EIF4E3: variants seen among roughly 807,000 people sequenced by gnomAD.
EIF4E3 encodes the protein eukaryotic translation initiation factor 4E type 3.
A neutral mutation model predicts 31.7 loss-of-function variants in EIF4E3; 26 were observed. The observed-to-expected ratio is 0.82, with a 90% confidence interval of 0.60 to 1.14. EIF4E3 has a LOEUF of 1.14. Among genes scored for constraint, EIF4E3 ranks in the 50% most tolerant of loss-of-function variants. The pLI, the probability that EIF4E3 is intolerant of heterozygous loss-of-function variation, is 0.00. For synonymous variants in EIF4E3, 128 were observed against 107.7 expected (o/e 1.19, Z -1.17); for missense variants, 304 against 270.9 (o/e 1.12, Z -0.86).
chr3:71,665,565 A>T, the EIF4E3 span, among the ~76,000 whole-genome samples: 1 of 152,240 alleles, frequency 6.6e-6, no homozygotes, highest in Non-Finnish European at 1.5e-5. Context: ...TCACTGTAAC[A>T]TACTTTTAAC....
intron 1 of EIF4E3, among the ~76,000 whole-genome samples, chr3:71,722,029 G>C (rs562847828): frequency 1.1e-3 from 164 of 146,968 alleles, no homozygotes; most frequent in African/African-American, 4.0e-3. Flanking sequence ...GGAGAAAAGG[G>C]TCCTGGGTGG....
At chr3:71,729,768 CCT>C (rs921348405), upstream of EIF4E3, among the ~76,000 whole-genome samples, 3 of 148,628 alleles carry the variant, frequency 2.0e-5, no homozygotes, top group African/African-American at 7.5e-5. Context: ...AAAAGAAATT[CCT>C]CTCTCTGGGA....
rs759093104 is a variant in EIF4E3 at position 71,690,095 on chromosome 3, AT to A, written c.542del (p.Asn181MetfsTer4). 4 of 1,613,990 alleles carry A rather than the reference AT, an allele frequency of 2.5e-6. No individual in the cohort carries two copies. The highest frequency in any genetic ancestry group is 3.4e-6 in the Non-Finnish European group (4 of 1,179,990). The part of the protein sequence containing the change: ...REDVVQVWNV[N>X]ASLVGEATVL... ...CAGTCGCTTCACCCACTAAAGAGGCATTTACATTCCAGACTTGGACGACGTC... is the reference window on the plus strand; with the variant it reads ...CAGTCGCTTCACCCACTAAAGAGGCATTACATTCCAGACTTGGACGACGTC... On this transcript the variant is annotated frameshift_variant, in exon 6 of 7. Coordinates refer to ENST00000425534, the MANE Select transcript of EIF4E3 (RefSeq NM_001134651.2). LOFTEE classifies it high-confidence loss of function.
chr3:71,736,722 T>C (rs2049767314), intron 1 of EIF4E3, among the ~76,000 whole-genome samples: 1 of 152,226 alleles, frequency 6.6e-6, no homozygotes, highest in Non-Finnish European at 1.5e-5. Flanking sequence ...GATACTATAA[T>C]GGTGGATACA....
chr3:71,686,543 A>AGAGTGTGTGTGTGTGTGT (rs1553659503), intron 6 of EIF4E3, among the ~76,000 whole-genome samples: 5 of 143,498 alleles, frequency 3.5e-5, no homozygotes, highest in Non-Finnish European at 7.7e-5. Flanking sequence ...TTTCACATTG[A>AGAGTGTGTGTGTGTGTGT]GTGTGTGTGT....
chr3:71,689,004 T>C (rs1208864136), intron 6 of EIF4E3, among the ~76,000 whole-genome samples: 1 of 152,234 alleles, frequency 6.6e-6, no homozygotes, highest in African/African-American at 2.4e-5. Flanking sequence ...GATTTTTTTA[T>C]CCTTTTTTGG....
intron 1 of EIF4E3, among the ~76,000 whole-genome samples, chr3:71,717,601 C>T (rs1326693413): frequency 1.3e-5 from 2 of 152,146 alleles, no homozygotes; most frequent in Non-Finnish European, 2.9e-5. Context: ...CCTCTTAAGT[C>T]CTGTCCAGCT....
intron 1 of EIF4E3, among the ~76,000 whole-genome samples, chr3:71,751,271 TGAAAGTAAGTGTAAA>T: frequency 6.6e-6 from 1 of 152,028 alleles, no homozygotes; most frequent in East Asian, 1.9e-4. Flanking sequence ...TACACTTACT[TGAAAGTAAGTGTAAA>T]GTAAGTGTAA....
chr3:71,727,329 C>G (rs2049652605), upstream of EIF4E3, among the ~76,000 whole-genome samples: 1 of 152,090 alleles, frequency 6.6e-6, no homozygotes, highest in Admixed American at 6.5e-5. Flanking sequence ...TTTTTATAAC[C>G]AAAATGGAAG....
chr3:71,698,626 T>C (rs1350668445), intron 3 of EIF4E3, among the ~76,000 whole-genome samples: 1 of 152,198 alleles, frequency 6.6e-6, no homozygotes, highest in African/African-American at 2.4e-5. Flanking sequence ...CTTCCTAGTC[T>C]TTGTGATTGG....
At chr3:71,734,106 C>T (rs1245926857) in intron 1 of EIF4E3, among the ~76,000 whole-genome samples, 5 of 152,208 alleles carry the variant, frequency 3.3e-5, no homozygotes, top group South Asian at 2.1e-4. Flanking sequence ...ATATTATCTA[C>T]ATAATGGCAG....
At chr3:71,674,090 C>CTTTTT (rs71277509), downstream of EIF4E3, among the ~76,000 whole-genome samples, 174 of 25,066 alleles carry the variant, frequency 6.9e-3, 46 homozygotes, top group Non-Finnish European at 0.012. Context: ...ATCAACTGTA[C>CTTTTT]TTTTTTTTTT....
At chr3:71,754,293 G>A (rs2049976242), upstream of EIF4E3, 38 of 1,145,738 alleles carry the variant, frequency 3.3e-5, no homozygotes, top group Non-Finnish European at 3.7e-5. The surrounding 1 kb of genome is among the most constrained non-coding windows in gnomAD (Gnocchi z 5.8). Flanking sequence ...GGCGCGGCGT[G>A]CGGCGGCCGC....
intron 2 of EIF4E3, among the ~76,000 whole-genome samples, chr3:71,703,110 T>C (rs575461070): frequency 1.2e-4 from 19 of 152,344 alleles, no homozygotes; most frequent in East Asian, 1.2e-3. Context: ...TGCTTTTTTT[T>C]CCCAAAAGCC....
chr3:71,749,222 A>G (rs1233890295), intron 1 of EIF4E3, among the ~76,000 whole-genome samples: 1 of 152,200 alleles, frequency 6.6e-6, no homozygotes, highest in East Asian at 1.9e-4. Context: ...CAATGAGCCA[A>G]AGTCTGGGCT....
intron 1 of EIF4E3, among the ~76,000 whole-genome samples, chr3:71,731,175 G>A (rs1380857713): frequency 6.6e-6 from 1 of 152,072 alleles, no homozygotes; most frequent in Non-Finnish European, 1.5e-5. Context: ...ACAGCAGCCT[G>A]AACAACAGTC....
At chr3:71,720,558 C>T (rs1242133479) in intron 1 of EIF4E3, among the ~76,000 whole-genome samples, 3 of 152,144 alleles carry the variant, frequency 2.0e-5, no homozygotes, top group African/African-American at 4.8e-5. Context: ...CTCTGGTAGA[C>T]GTAGTGGTGG....
intron 1 of EIF4E3, among the ~76,000 whole-genome samples, chr3:71,745,776 G>A (rs1260505395): frequency 6.6e-6 from 1 of 152,166 alleles, no homozygotes; most frequent in Non-Finnish European, 1.5e-5. Flanking sequence ...TTAACCACTA[G>A]AGAGAGTTTA....
At chr3:71,753,998 G>C, upstream of EIF4E3, 1 of 1,072,172 alleles carries the variant, frequency 9.3e-7, no homozygotes, top group Non-Finnish European at 1.1e-6. Context: ...CTGCGGGAGC[G>C]GCGAGGCAGG....
Sources: allele counts gnomAD v4.1 joint callset (sites outside exome capture counted in the v4.1 genomes callset), GRCh38; gene constraint gnomAD v4.1.1; non-coding constraint Gnocchi (gnomAD v3.1); transcripts MANE v1.5; gene names NCBI Gene and HGNC (gene_info 2026-07-23, HGNC 2026-07-21).